PLCG2: variants seen among roughly 807,000 people sequenced by gnomAD.
PLCG2 encodes phospholipase C gamma 2.
Under a neutral mutation model 175.6 loss-of-function variants are expected in PLCG2, and 69 were observed. The ratio of observed to expected loss-of-function variants is 0.39; its 90% CI spans 0.32 to 0.48. The LOEUF (loss-of-function observed/expected upper bound fraction) is 0.48, where lower values mean the gene tolerates loss of function less well. PLCG2 is among the 20% of genes least tolerant of loss of function. PLCG2 has a pLI of 0.91. For missense variants in PLCG2, 1,798 were observed against 1,650.9 expected (o/e 1.09, Z -1.54); for synonymous variants, 827 against 624.0 (o/e 1.33, Z -4.85).
chr16:81,885,626 T>C (rs1567516149), intron 9 of PLCG2, among the ~76,000 whole-genome samples: 2 of 149,950 alleles, frequency 1.3e-5, no homozygotes, highest in Admixed American at 6.6e-5. Context: ...AGATAGAACT[T>C]TTTTTTTTAA....
At chr16:81,859,049 CACTT>C in intron 4 of PLCG2, 63 bp from the exon 5 acceptor site, 1 of 949,618 alleles carries the variant, frequency 1.1e-6, no homozygotes, top group Non-Finnish European at 1.7e-6. Flanking sequence ...CCGTAGGACT[CACTT>C]AGACTTGTGC....
intron 31 of PLCG2, among the ~76,000 whole-genome samples, chr16:81,953,208 G>T (rs892234672): frequency 6.6e-6 from 1 of 152,228 alleles, no homozygotes; most frequent in Non-Finnish European, 1.5e-5. Context: ...ATGACTAAAG[G>T]TTCTGTGGGA....
At chr16:81,760,543 A>G (rs1034325250) in intron 2 of PLCG2, among the ~76,000 whole-genome samples, 2 of 152,032 alleles carry the variant, frequency 1.3e-5, no homozygotes, top group African/African-American at 4.8e-5. Flanking sequence ...GTGTGGCCTT[A>G]TATGGGGAGG....
chr16:81,804,119 A>G (rs1911885004), intron 2 of PLCG2, among the ~76,000 whole-genome samples: 3 of 152,340 alleles, frequency 2.0e-5, no homozygotes, highest in South Asian at 4.1e-4. Context: ...CACTTAAGGA[A>G]TTGCCAAGAC....
In PLCG2 at chr16:81,905,487, A is replaced by C. The variant is rs773692366; in HGVS notation, c.1447A>C (p.Met483Leu). ...DEHKQQGELY[M>L]WDSIDQKWTR... Reference sequence around the variant, plus strand: ...ACACAAGCAACAGGGGGAGCTGTACATGTGGGATTCCATTGACCAGGTGGG... The same window carrying C: ...ACACAAGCAACAGGGGGAGCTGTACCTGTGGGATTCCATTGACCAGGTGGG... Residue 483 changes from methionine (M) to leucine (L), a missense_variant, in exon 15 of 33, where the codon ATG becomes CTG. Coordinates refer to ENST00000564138, the MANE Select transcript of PLCG2 (RefSeq NM_002661.5). 2 of 1,613,968 alleles carry C rather than the reference A, an allele frequency of 1.2e-6. No homozygotes were observed. Among genetic ancestry groups the C allele is most frequent in the Middle Eastern group, 1.6e-4 (1 of 6,062 alleles).
Position 81,889,219 on chromosome 16 carries a change from G to C in PLCG2, c.813G>C (p.Lys271Asn), listed in dbSNP as rs2143595310. ...DLNKVRERMT[K>N]FIDDTMRETA... ...ACAAAGTCCGTGAGCGGATGACAAA[G>C]TTCATTGATGACACCATGCGTGAAA... The change falls in exon 10 of 33, where the codon AAG becomes AAC. Residue 271 changes from lysine to asparagine, a missense_variant. Transcript: ENST00000564138. 4 of 1,607,098 alleles carry C rather than the reference G, an allele frequency of 2.5e-6. No homozygotes were observed. Among genetic ancestry groups the C allele is most frequent in the Middle Eastern group, 1.7e-4 (1 of 6,054 alleles).
intron 5 of PLCG2, among the ~76,000 whole-genome samples, chr16:81,863,442 C>T (rs932608168): frequency 7.9e-5 from 12 of 152,232 alleles, no homozygotes; most frequent in African/African-American, 2.9e-4. Context: ...TGCTTATCTA[C>T]TTCTCCATCG....
chr16:81,836,611 C>T (rs532892903), intron 2 of PLCG2, among the ~76,000 whole-genome samples: 2 of 152,190 alleles, frequency 1.3e-5, no homozygotes. Context: ...CATGATGGCA[C>T]ACTCCTTTGG....
rs541837533 is a variant in PLCG2, at chr16:81,958,282, A to G, written c.*284A>G. ...TTCCAAACCTCATTGAATAAAAGCA[A>G]TGAAAACCTTGATCAATTAAGCCTT... On this transcript the variant is annotated 3_prime_UTR_variant, in exon 33 of 33. Coordinates refer to ENST00000564138, the MANE Select transcript of PLCG2 (RefSeq NM_002661.5). 3.0e-5 allele frequency: 13 copies of G among 440,300 alleles called. No homozygotes were observed. Among genetic ancestry groups the G allele is most frequent in the African/African-American group, 1.8e-4 (9 of 51,300 alleles). 27.3% of individuals were successfully genotyped at this position (440,300 alleles called of 1,614,324 possible). A position where few individuals can be genotyped will look rare whatever the true frequency, so the allele number is the denominator to read the frequency against.
At chr16:81,862,257 C>G (rs553108012) in intron 5 of PLCG2, among the ~76,000 whole-genome samples, 8 of 152,374 alleles carry the variant, frequency 5.3e-5, no homozygotes, top group Non-Finnish European at 1.2e-4. Flanking sequence ...GGGCAATGGA[C>G]AAGTCTTAGG....
chr16:81,865,552 T>C (rs1047874703), intron 5 of PLCG2, among the ~76,000 whole-genome samples: 2 of 152,192 alleles, frequency 1.3e-5, no homozygotes, highest in Non-Finnish European at 2.9e-5. Context: ...TTTCTCCACT[T>C]GTTCTTGAGC....
At chr16:81,779,767 G>C (rs1451250630) in intron 1 of PLCG2, among the ~76,000 whole-genome samples, 1 of 152,134 alleles carries the variant, frequency 6.6e-6, no homozygotes, top group African/African-American at 2.4e-5. Context: ...GCGGCTCTGC[G>C]TGGGGTGGCG....
chr16:81,823,897 CCCTT>C (rs1010062342), intron 2 of PLCG2, among the ~76,000 whole-genome samples: 21 of 148,746 alleles, frequency 1.4e-4, no homozygotes, highest in Admixed American at 8.1e-4. Context: ...TTTCTTTCCT[CCCTT>C]CCTTCCTTTC....
intron 19 of PLCG2, 76 bp from the exon 20 acceptor site, chr16:81,919,408 A>C: frequency 8.7e-7 from 1 of 1,145,760 alleles, no homozygotes; most frequent in Non-Finnish European, 1.3e-6. Context: ...GGTTGTATCT[A>C]ATCAGTAGGG....
At chr16:81,768,612 C>G (rs1177943968) in intron 2 of PLCG2, among the ~76,000 whole-genome samples, 1 of 129,820 alleles carries the variant, frequency 7.7e-6, no homozygotes, top group Non-Finnish European at 1.6e-5. Flanking sequence ...GTTGCCCAGG[C>G]TGGAGTGCAA....
chr16:81,928,623 C>G lies in PLCG2; in HGVS notation c.2580C>G (p.Val860=). 6.3e-7 allele frequency: 1 copy of G among 1,592,664 alleles called. No individual in the cohort carries two copies. Among genetic ancestry groups the G allele is most frequent in the Non-Finnish European group, 8.6e-7 (1 of 1,160,342 alleles). ...RGILDLNTYN[V]VKAPQGKNQK... ...TATTGGACCTCAATACCTATAACGT[C>G]GGTACGTGCACACATCATCTTAGCC... is the stretch of plus-strand genomic sequence containing the variant. Residue 860 remains valine, a splice_region_variant and synonymous_variant, in exon 24 of 33, where the codon GTC becomes GTG. Transcript: ENST00000564138.
At chr16:81,770,473 G>A (rs1243173216) in intron 2 of PLCG2, among the ~76,000 whole-genome samples, 1 of 152,200 alleles carries the variant, frequency 6.6e-6, no homozygotes, top group Admixed American at 6.5e-5. Context: ...AGCCCTTTGG[G>A]AGGCTTAGGT....
intron 14 of PLCG2, among the ~76,000 whole-genome samples, chr16:81,903,745 C>G (rs140760413): frequency 1.3e-5 from 2 of 152,290 alleles, no homozygotes; most frequent in African/African-American, 4.8e-5. Flanking sequence ...CTTCCCTGTT[C>G]CCAGCTCATT....
Position 81,805,781 on chromosome 16 carries a change from T to G in PLCG2, c.193+19599T>G, listed in dbSNP as rs1430405564. On this transcript the variant is annotated intron_variant, in intron 2 of 32. Transcript: ENST00000564138. The stretch of plus-strand genomic sequence containing the variant: ...TGTTTTGTTTTGTTTTTTTTTTTTT[T>G]TGTTTTTTTTTTTTTTTGCTGTTAT... Among the ~76,000 whole-genome samples the G allele has an allele frequency of 6.0e-4, 52 of 86,230 alleles. 2 individuals are homozygous for G. The highest frequency in any genetic ancestry group is 9.8e-4 in the African/African-American group (24 of 24,410). 56.6% of individuals were successfully genotyped at this position (86,230 alleles called of 152,430 possible). A position where few individuals can be genotyped will look rare whatever the true frequency, so the allele number is the denominator to read the frequency against.
Sources: allele counts gnomAD v4.1 joint callset (sites outside exome capture counted in the v4.1 genomes callset), GRCh38; gene constraint gnomAD v4.1.1; transcripts MANE v1.5; gene names NCBI Gene and HGNC (gene_info 2026-07-23, HGNC 2026-07-21).